ANKRD6: variants seen among roughly 807,000 people sequenced by gnomAD.
ANKRD6 encodes the protein ankyrin repeat domain 6.
A neutral mutation model predicts 82.3 loss-of-function variants in ANKRD6; 56 were observed. The observed-to-expected ratio is 0.68, with a 90% CI of 0.55 to 0.85. ANKRD6 has a LOEUF of 0.85. ANKRD6 is among the 40% of genes least tolerant of loss of function. The pLI, the probability that ANKRD6 is intolerant of heterozygous loss-of-function variation, is 0.00. For synonymous variants in ANKRD6, 347 were observed against 352.1 expected (o/e 0.99, Z 0.16); for missense variants, 852 against 907.6 (o/e 0.94, Z 0.79).
intron 2 of ANKRD6, chr6:89,581,693 G>A (rs988785315): frequency 3.9e-5 from 6 of 152,162 alleles, no homozygotes; most frequent in African/African-American, 1.4e-4. Context: ...AATAGAAGAG[G>A]GGGATCTCCA....
rs763912840 is a variant in ANKRD6 at position 89,622,031 on chromosome 6, G to T, written c.897+5G>T. The stretch of plus-strand genomic sequence containing the variant: ...GATGAGGTGGCCCAAAGCAAGGTGG[G>T]GGGCAGTCCTCCCGCCGTCCCCACA... On this transcript the variant is annotated splice_donor_5th_base_variant and intron_variant, in intron 10 of 15. Transcript: ENST00000339746. 2 of 1,611,228 alleles carry T rather than the reference G, an allele frequency of 1.2e-6. No homozygotes were observed. The highest frequency in any genetic ancestry group is 8.5e-7 in the Non-Finnish European group (1 of 1,179,352).
At position 89,630,572 on chromosome 6, in the gene ANKRD6, A is replaced by C; in HGVS notation, c.1752A>C (p.Thr584=). The C allele has an allele frequency of 6.2e-7, 1 of 1,613,910 alleles. No individual in the cohort carries two copies. The highest frequency in any genetic ancestry group is 8.5e-7 in the Non-Finnish European group (1 of 1,179,830). Residue 584 remains threonine (T), a synonymous_variant, in exon 16 of 16, where the codon ACA becomes ACC. Coordinates refer to ENST00000339746, the MANE Select transcript of ANKRD6 (RefSeq NM_001242809.2). ...AGGAGCTGTCGTCTTCTGACTGTAC[A>C]GGCTCCCGACTGAGAAACGTCAAGG... is the stretch of plus-strand genomic sequence containing the variant. ...LQQELSSSDC[T]GSRLRNVKVQ... is the part of the protein sequence containing the mutation.
chr6:89,565,609 G>A (rs1788332944), intron 1 of ANKRD6, among the ~76,000 whole-genome samples: 2 of 152,232 alleles, frequency 1.3e-5, no homozygotes, highest in South Asian at 4.1e-4. Context: ...CGGTGAACGA[G>A]TTCAAACAGG....
At chr6:89,506,573 C>T (rs905406645) in intron 1 of ANKRD6, among the ~76,000 whole-genome samples, 1 of 152,124 alleles carries the variant, frequency 6.6e-6, no homozygotes, top group Non-Finnish European at 1.5e-5. Context: ...CCTTGGCCTC[C>T]CAAAGTGCTG....
At chr6:89,499,616 G>T (rs1468227849) in intron 1 of ANKRD6, among the ~76,000 whole-genome samples, 3 of 152,116 alleles carry the variant, frequency 2.0e-5, no homozygotes, top group Non-Finnish European at 1.5e-5. Flanking sequence ...CCAATAGCTT[G>T]TATTGTGTGA....
In ANKRD6 at chr6:89,629,099, T is replaced by TG; in HGVS notation, c.1486-13_1486-12insG. On this transcript the variant is annotated splice_polypyrimidine_tract_variant and intron_variant, in intron 14 of 15. Transcript: ENST00000339746. ...CTATGTACTTATTTGTGGGGTTTGT[T>TG]TTTTTTTTTAAGATATCCTTGGTGG... is the stretch of plus-strand genomic sequence containing the variant. 1.3e-6 allele frequency: 2 copies of TG among 1,595,638 alleles called. No individual in the cohort carries two copies. Among genetic ancestry groups the TG allele is most frequent in the South Asian group, 1.1e-5 (1 of 88,572 alleles).
In ANKRD6 at chr6:89,549,280, A is replaced by G. The variant is rs555139499; in HGVS notation, c.-143-17554A>G. 3.3e-5 allele frequency among the ~76,000 whole-genome samples: 5 copies of G among 152,284 alleles called. No individual in the cohort carries two copies. The South Asian group carries it at 8.3e-4, about 25-fold the overall frequency. ...TTAAGAGGTGAGATGTGGGACCAGT[A>G]AGAGGTGATTAGGCCATGAGAGCTC... On this transcript the variant is annotated intron_variant, in intron 1 of 15. Coordinates refer to ENST00000339746, the MANE Select transcript of ANKRD6 (RefSeq NM_001242809.2).
chr6:89,581,356 A>G (rs774098967), intron 2 of ANKRD6, among the ~76,000 whole-genome samples: 2 of 152,116 alleles, frequency 1.3e-5, no homozygotes, highest in African/African-American at 2.4e-5. Context: ...TGCCCTTGCA[A>G]TTTTGACAGC....
rs138216532 is a variant in ANKRD6 at position 89,622,034 on chromosome 6, G to A, written c.897+8G>A. ...GAGGTGGCCCAAAGCAAGGTGGGGG[G>A]CAGTCCTCCCGCCGTCCCCACATCC... On this transcript the variant is annotated splice_region_variant and intron_variant, in intron 10 of 15. Coordinates refer to ENST00000339746, the MANE Select transcript of ANKRD6 (RefSeq NM_001242809.2). The A allele has an allele frequency of 2.9e-5, 47 of 1,610,810 alleles. No homozygotes were observed. Among genetic ancestry groups the A allele is most frequent in the Middle Eastern group, 4.5e-4 (2 of 4,490 alleles).
chr6:89,437,731 A>T (rs1770833824), intron 1 of ANKRD6, among the ~76,000 whole-genome samples: 1 of 152,228 alleles, frequency 6.6e-6, no homozygotes, highest in Admixed American at 6.5e-5. Flanking sequence ...ACAGTGTTAG[A>T]AAAGATGTTA....
intron 2 of ANKRD6, among the ~76,000 whole-genome samples, chr6:89,575,254 T>C (rs1236436247): frequency 2.0e-5 from 3 of 152,192 alleles, no homozygotes; most frequent in African/African-American, 7.2e-5. Context: ...TTAAGTTTTA[T>C]GGCTGGCTTT....
At chr6:89,610,803 TA>T (rs56775209) in intron 5 of ANKRD6, among the ~76,000 whole-genome samples, 36,745 of 143,598 alleles carry the variant, frequency 0.26, 5,119 homozygotes, top group African/African-American at 0.36. Flanking sequence ...AAACAAAACT[TA>T]AAAAAAAAAA....
intron 1 of ANKRD6, among the ~76,000 whole-genome samples, chr6:89,531,416 T>C (rs1209705888): frequency 6.6e-6 from 1 of 152,276 alleles, no homozygotes; most frequent in Non-Finnish European, 1.5e-5. Context: ...AAGGCATTAA[T>C]ATCCAACCAT....
Position 89,614,686 on chromosome 6 carries a change from G to T in ANKRD6, c.615+796G>T, listed in dbSNP as rs370248627. 9.9e-5 allele frequency among the ~76,000 whole-genome samples: 15 copies of T among 152,098 alleles called. No individual in the cohort carries two copies. The South Asian group carries it at 1.7e-3, about 17-fold the overall frequency. On this transcript the variant is annotated intron_variant, in intron 7 of 15. Transcript: ENST00000339746. The stretch of plus-strand genomic sequence containing the variant: ...TAAGTTAATTAAATTTAAAAATTGG[G>T]CAGAGTGGCATGTGCCTGTAGTTCC...
intron 1 of ANKRD6, among the ~76,000 whole-genome samples, chr6:89,494,887 G>A (rs1345936655): frequency 6.6e-6 from 1 of 152,200 alleles, no homozygotes; most frequent in African/African-American, 2.4e-5. Context: ...CACTATGTGG[G>A]AAGAATAAAT....
At chr6:89,493,216 A>C (rs1778208966) in intron 1 of ANKRD6, among the ~76,000 whole-genome samples, 1 of 152,136 alleles carries the variant, frequency 6.6e-6, no homozygotes, top group East Asian at 1.9e-4. Flanking sequence ...TCCAAAAATC[A>C]ATGTGTTGCA....
chr6:89,482,404 C>A (rs1375079465), intron 1 of ANKRD6, among the ~76,000 whole-genome samples: 1 of 152,188 alleles, frequency 6.6e-6, no homozygotes, highest in Non-Finnish European at 1.5e-5. Flanking sequence ...ATAAATCATT[C>A]TTTCTACATT....
intron 14 of ANKRD6, among the ~76,000 whole-genome samples, chr6:89,628,575 C>T (rs1806469446): frequency 6.6e-6 from 1 of 152,144 alleles, no homozygotes; most frequent in African/African-American, 2.4e-5. Context: ...CGAGACCATC[C>T]TTGCTAACAT....
At chr6:89,591,971 C>G (rs1303404080) in intron 2 of ANKRD6, among the ~76,000 whole-genome samples, 1 of 152,196 alleles carries the variant, frequency 6.6e-6, no homozygotes, top group African/African-American at 2.4e-5. Context: ...GACAGGGAGC[C>G]TGAGTGCTGT....
Sources: allele counts gnomAD v4.1 joint callset (sites outside exome capture counted in the v4.1 genomes callset), GRCh38; gene constraint gnomAD v4.1.1; transcripts MANE v1.5; gene names NCBI Gene and HGNC (gene_info 2026-07-23, HGNC 2026-07-21).